Variants in CFAP43 observed in about 807,000 individuals in gnomAD.
CFAP43 encodes cilia and flagella associated protein 43.
Under a neutral mutation model 218.9 loss-of-function variants are expected in CFAP43, and 155 were observed. The observed-to-expected ratio is 0.71, with a 90% confidence interval of 0.62 to 0.81. The LOEUF is 0.81. Among genes scored for constraint, CFAP43 ranks in the 30% least tolerant of loss-of-function variants. CFAP43 has a pLI of 0.00. For synonymous variants in CFAP43, 645 were observed against 681.3 expected, an observed-to-expected ratio of 0.95 and a Z score of 0.83; for missense variants, 1,778 against 1,954.3, an observed-to-expected ratio of 0.91 and a Z score of 1.70.
intron 3 of CFAP43, among the ~76,000 whole-genome samples, chr10:104,217,758 AG>A (rs2091055907): frequency 6.6e-6 from 1 of 152,232 alleles, no homozygotes. Flanking sequence ...TGTATCATAC[AG>A]ATGCTGAGGC....
chr10:104,208,595 AGT>A (rs963945666), intron 5 of CFAP43, among the ~76,000 whole-genome samples: 2 of 152,202 alleles, frequency 1.3e-5, no homozygotes, highest in African/African-American at 4.8e-5. Context: ...GGGTACCAGT[AGT>A]GTTTAGAAAT....
At chr10:104,132,699 T>G in intron 35 of CFAP43, 1 of 985,334 alleles carries the variant, frequency 1.0e-6, no homozygotes, top group Non-Finnish European at 1.2e-6. Context: ...GTACACTAAT[T>G]ATTACATCAA....
chr10:104,206,313 G>C (rs1439441741), intron 6 of CFAP43, among the ~76,000 whole-genome samples: 1 of 152,144 alleles, frequency 6.6e-6, no homozygotes, highest in African/African-American at 2.4e-5. Flanking sequence ...AAAAAAGGCA[G>C]ATGAGGGACA....
At chr10:104,191,550 G>A (rs2090216168) in intron 12 of CFAP43, among the ~76,000 whole-genome samples, 1 of 151,866 alleles carries the variant, frequency 6.6e-6, no homozygotes, top group Non-Finnish European at 1.5e-5. Context: ...CTGTATCTGA[G>A]CCTACACAGT....
rs2090873962 is a variant in CFAP43, at chr10:104,211,908, A to G, written c.735+99T>C. The G allele has an allele frequency of 2.9e-6, 4 of 1,362,428 alleles. No homozygotes were observed. In the Admixed American group the frequency reaches 6.8e-5, roughly 23 times the overall value. The allele number at this position is 1,362,428 out of a possible 1,614,324, so 84.4% of individuals were successfully genotyped here. On this transcript the variant is annotated intron_variant, in intron 5 of 37. Coordinates refer to ENST00000357060, the MANE Select transcript of CFAP43 (RefSeq NM_025145.7). ...ATTAAAAACCAAGATGATCCTCTGTATCCTGCATTTCTCAAGGGATGGTTA... is the reference window on the plus strand; with the variant it reads ...ATTAAAAACCAAGATGATCCTCTGTGTCCTGCATTTCTCAAGGGATGGTTA...
intron 28 of CFAP43, among the ~76,000 whole-genome samples, chr10:104,150,734 CT>C (rs1217220570): frequency 1.3e-5 from 2 of 152,064 alleles, no homozygotes; most frequent in Non-Finnish European, 2.9e-5. Flanking sequence ...TCATTATTCT[CT>C]TTTTTTAACT....
At chr10:104,216,877 G>T (rs1013774192) in intron 3 of CFAP43, among the ~76,000 whole-genome samples, 1 of 152,062 alleles carries the variant, frequency 6.6e-6, no homozygotes, top group Non-Finnish European at 1.5e-5. Context: ...CAAGGAACCA[G>T]GCTGAGGCAC....
In CFAP43 at chr10:104,207,807, A is replaced by G; in HGVS notation, c.753T>C (p.Tyr251=). Residue 251 remains tyrosine, a synonymous_variant, in exon 6 of 38, where the codon TAT becomes TAC. Coordinates refer to ENST00000357060, the MANE Select transcript of CFAP43 (RefSeq NM_025145.7). ...AETFRPKDDL[Y]PLLHPTMHCW... Reference sequence around the variant, plus strand: ...AATGCATAGTCGGGTGAAGCAAAGGATATAGATCATCTTTCGGCTTCAGGG... The same window carrying G: ...AATGCATAGTCGGGTGAAGCAAAGGGTATAGATCATCTTTCGGCTTCAGGG... The G allele has an allele frequency of 6.2e-7, 1 of 1,612,200 alleles. No homozygotes were observed. The highest frequency in any genetic ancestry group is 8.5e-7 in the Non-Finnish European group (1 of 1,179,544).
intron 27 of CFAP43, 62 bp from the exon 28 acceptor site, chr10:104,152,788 G>GTTTA (rs1219899565): frequency 1.3e-6 from 2 of 1,547,084 alleles, no homozygotes; most frequent in African/African-American, 2.8e-5. Context: ...AGGAAGTGAT[G>GTTTA]TTTACATTTC....
At chr10:104,193,207 T>C (rs34139214) in intron 11 of CFAP43, 34,682 of 152,196 alleles carry the variant, frequency 0.23, 4,221 homozygotes, top group Middle Eastern at 0.32. Context: ...TAAATGTTCA[T>C]TAATATACCG....
chr10:104,140,853 A>C lies in CFAP43; in HGVS notation c.4420T>G (p.Ser1474Ala), dbSNP rs1424100679. The change falls in exon 34 of 38, where the codon TCT (serine) becomes GCT (alanine). Residue 1474 changes from serine to alanine, a missense_variant. Around this residue, in one of 3 missense-constraint regions of CFAP43, gnomAD observed 211 missense variants for 230.6 expected, o/e 0.91. Transcript: ENST00000357060. ...AAAAGTATAATTACCCGAATCACAG[A>C]ATTCAAGTCTTCAATTATGTTCTTG... ...INKNIIEDLNSVIRTQGQKKV... is the reference protein window; with the variant it reads ...INKNIIEDLNAVIRTQGQKKV... 1 of 1,595,556 alleles carries C rather than the reference A, an allele frequency of 6.3e-7. No homozygotes were observed. The highest frequency in any genetic ancestry group is 8.5e-7 in the Non-Finnish European group (1 of 1,175,344).
intron 28 of CFAP43, 74 bp downstream of exon 28, chr10:104,152,533 T>TA (rs1406705850): frequency 5.1e-5 from 81 of 1,582,764 alleles, no homozygotes; most frequent in Non-Finnish European, 6.8e-5. Flanking sequence ...GTAAGGATGT[T>TA]GATCTTCATC....
intron 9 of CFAP43, 141 bp from the exon 10 acceptor site, chr10:104,197,074 C>T (rs562123515): frequency 1.7e-6 from 1 of 586,340 alleles, no homozygotes; most frequent in Admixed American, 3.6e-5. Flanking sequence ...CTTATTTTAT[C>T]ATTTCAACGC....
chr10:104,163,526 T>C (rs115251081), intron 24 of CFAP43, among the ~76,000 whole-genome samples: 252 of 152,346 alleles, frequency 1.7e-3, no homozygotes, highest in African/African-American at 6.0e-3. Flanking sequence ...TATTTCCAAC[T>C]GCCTCTGTGC....
rs1027269527 is a variant in CFAP43, at chr10:104,213,401, A to G, written c.584+858T>C. Reference sequence around the variant, plus strand: ...CCTTGAGTCTCCGAGCTCTTTCTCAACAAAAGCACCCATTATCACCACGGC... The same window carrying G: ...CCTTGAGTCTCCGAGCTCTTTCTCAGCAAAAGCACCCATTATCACCACGGC... On this transcript the variant is annotated intron_variant, in intron 4 of 37. Coordinates refer to ENST00000357060, the MANE Select transcript of CFAP43 (RefSeq NM_025145.7). Among the ~76,000 whole-genome samples, 3 of 152,330 alleles carry G rather than the reference A, an allele frequency of 2.0e-5. 1 individual carries two copies. Among genetic ancestry groups the G allele is most frequent in the Admixed American group, 1.3e-4 (2 of 15,300 alleles).
At chr10:104,198,417 G>A (rs1355284718) in intron 8 of CFAP43, among the ~76,000 whole-genome samples, 1 of 152,082 alleles carries the variant, frequency 6.6e-6, no homozygotes, top group African/African-American at 2.4e-5. Context: ...GAGTAGCTGG[G>A]ATTACAGGCA....
At chr10:104,137,758 G>A (rs921589024) in intron 34 of CFAP43, among the ~76,000 whole-genome samples, 5 of 152,140 alleles carry the variant, frequency 3.3e-5, no homozygotes, top group Non-Finnish European at 4.4e-5. Context: ...CTGAGATCAT[G>A]CTCCGGCACT....
chr10:104,214,289 C>T lies in CFAP43; in HGVS notation c.554G>A (p.Arg185Lys). The change falls in exon 4 of 38, where the codon AGA becomes AAA. Residue 185 changes from arginine (R) to lysine (K), a missense_variant. This residue lies in a region of CFAP43 where 1,553 missense variants were observed against 1,685.2 expected (regional missense o/e 0.92). Transcript: ENST00000357060. ...TCTGAAACAATGCTCCTGGTTACTT[C>T]TTTCAATGGTCCACACGCTCACTGT... ...PSTVSVWTIERSNQEHCFRAR... is the reference protein window; with the variant it reads ...PSTVSVWTIEKSNQEHCFRAR... 1 of 1,599,870 alleles carries T rather than the reference C, an allele frequency of 6.3e-7. No homozygotes were observed. The highest frequency in any genetic ancestry group is 1.3e-5 in the African/African-American group (1 of 74,572).
At chr10:104,217,406 T>G (rs949186977) in intron 3 of CFAP43, among the ~76,000 whole-genome samples, 4 of 152,198 alleles carry the variant, frequency 2.6e-5, no homozygotes, top group African/African-American at 4.8e-5. Context: ...ATTTTAAATA[T>G]TCATACAATT....
Sources: gnomAD v4.1 joint callset for allele counts (sites outside exome capture counted in the v4.1 genomes callset) on GRCh38, gnomAD v4.1.1 for gene constraint, gnomAD v4.1.1 regional missense constraint, MANE v1.5 for transcripts, NCBI Gene and HGNC (gene_info 2026-07-23, HGNC 2026-07-21) for gene names.